SASH1: variants seen among roughly 807,000 people sequenced by gnomAD.
SASH1 encodes the protein SAM and SH3 domain containing 1.
In SASH1, 44 loss-of-function variants were observed where a neutral mutation model predicts 125.2. The observed-to-expected ratio is 0.35, with a 90% CI of 0.28 to 0.45. SASH1 has a LOEUF of 0.45. Ranked by LOEUF, SASH1 falls within the 20% of genes least tolerant of loss-of-function variation. The pLI is 1.00. For missense variants in SASH1, 1,426 were observed against 1,614.5 expected (o/e 0.88, Z 2.00); for synonymous variants, 639 against 649.1 (o/e 0.98, Z 0.24).
At chr6:148,320,898 C>A (rs542185209) in intron 1 of SASH1, among the ~76,000 whole-genome samples, 2 of 152,226 alleles carry the variant, frequency 1.3e-5, no homozygotes, top group Non-Finnish European at 2.9e-5. Context: ...GTTTAGCCAC[C>A]ACATGGCTGA....
At chr6:148,464,512 A>G (rs895638237) in intron 4 of SASH1, among the ~76,000 whole-genome samples, 22 of 152,164 alleles carry the variant, frequency 1.4e-4, no homozygotes, top group Non-Finnish European at 2.5e-4. Context: ...GGAAGGAGGT[A>G]CTACTACCAG....
chr6:148,350,727 C>T (rs1258454628), intron 1 of SASH1, among the ~76,000 whole-genome samples: 1 of 152,186 alleles, frequency 6.6e-6, no homozygotes, highest in African/African-American at 2.4e-5. Flanking sequence ...AAGAGTGAAT[C>T]TAAATGGACA....
the SASH1 span, among the ~76,000 whole-genome samples, chr6:148,246,769 A>G: frequency 6.6e-6 from 1 of 152,264 alleles, no homozygotes; most frequent in Non-Finnish European, 1.5e-5. Flanking sequence ...ATGAAAAAGT[A>G]AATGTGTTCA....
intron 12 of SASH1, among the ~76,000 whole-genome samples, chr6:148,530,573 G>A (rs779340304): frequency 1.3e-5 from 2 of 152,176 alleles, no homozygotes; most frequent in South Asian, 2.1e-4. Context: ...CAGGACCTGC[G>A]GAGCTGTGTT....
At chr6:148,431,891 T>C (rs1312878250) in intron 2 of SASH1, among the ~76,000 whole-genome samples, 1 of 152,058 alleles carries the variant, frequency 6.6e-6, no homozygotes, top group African/African-American at 2.4e-5. Context: ...AGAAATAACC[T>C]ACTTGAATCT....
chr6:148,231,025 G>A, the SASH1 span, among the ~76,000 whole-genome samples: 1 of 151,900 alleles, frequency 6.6e-6, no homozygotes, highest in South Asian at 2.1e-4. Context: ...CTTGTGTTTT[G>A]GTGCCATATC....
chr6:148,337,499 C>G (rs112446707), intron 1 of SASH1, among the ~76,000 whole-genome samples: 1 of 152,090 alleles, frequency 6.6e-6, no homozygotes, highest in African/African-American at 2.4e-5. Flanking sequence ...GGTGGGATTA[C>G]AGGCGTGAGC....
At chr6:148,273,109 A>C (rs1779103063) in intron 1 of SASH1, among the ~76,000 whole-genome samples, 2 of 151,870 alleles carry the variant, frequency 1.3e-5, no homozygotes, top group African/African-American at 4.8e-5. Context: ...AAATTACAAA[A>C]ATTAGCTGGG....
chr6:148,441,734 A>G (rs1257793538), intron 4 of SASH1, among the ~76,000 whole-genome samples: 1 of 152,148 alleles, frequency 6.6e-6, no homozygotes, highest in Non-Finnish European at 1.5e-5. Flanking sequence ...TCTTCCTCCT[A>G]AGAGGAAGTG....
At position 148,410,099 on chromosome 6, in the gene SASH1, C is replaced by CTTTTTT. The variant is rs869081496; in HGVS notation, c.285+19861_285+19866dup. On this transcript the variant is annotated intron_variant, in intron 2 of 19. Coordinates refer to ENST00000367467, the MANE Select transcript of SASH1 (RefSeq NM_015278.5). The stretch of plus-strand genomic sequence containing the variant: ...AGGTAGGGTGTTTTCCAGAGCAGTC[C>CTTTTTT]TTTTTTTTTTTTTTTTTTTTTTTTT... Among the ~76,000 whole-genome samples, 7 of 55,710 alleles carry CTTTTTT rather than the reference C, an allele frequency of 1.3e-4. 1 individual carries two copies. The highest frequency in any genetic ancestry group is 1.7e-4 in the Non-Finnish European group (5 of 29,604). The allele number at this position is 55,710 out of a possible 152,430, so 36.5% of individuals were successfully genotyped here. A position where few individuals can be genotyped will look rare whatever the true frequency, so the allele number is the denominator to read the frequency against.
intron 8 of SASH1, chr6:148,512,389 A>G: frequency 1.4e-6 from 1 of 731,604 alleles, no homozygotes; most frequent in Non-Finnish European, 1.7e-6. Flanking sequence ...TTCTTCTATT[A>G]GAATTGCTTG....
chr6:148,299,856 C>T (rs1016291966), intron 1 of SASH1, among the ~76,000 whole-genome samples: 5 of 152,042 alleles, frequency 3.3e-5, no homozygotes, highest in African/African-American at 4.8e-5. Context: ...TTACAGGGTG[C>T]CTGTGAGCAC....
At chr6:148,204,293 T>C in the SASH1 span, among the ~76,000 whole-genome samples, 1 of 152,174 alleles carries the variant, frequency 6.6e-6, no homozygotes, top group Non-Finnish European at 1.5e-5. Flanking sequence ...ACCACCACAA[T>C]CGACAGTACA....
chr6:148,349,133 G>A (rs1781616482), intron 1 of SASH1, among the ~76,000 whole-genome samples: 1 of 152,102 alleles, frequency 6.6e-6, no homozygotes, highest in Admixed American at 6.6e-5. Flanking sequence ...CCAGATCTGG[G>A]TGCTGATGTT....
At chr6:148,200,274 A>C in the SASH1 span, among the ~76,000 whole-genome samples, 1 of 152,164 alleles carries the variant, frequency 6.6e-6, no homozygotes. Flanking sequence ...TCCTAACCTC[A>C]TTTTGTGTCT....
intron 1 of SASH1, among the ~76,000 whole-genome samples, chr6:148,352,898 A>T (rs942088189): frequency 6.6e-6 from 1 of 151,964 alleles, no homozygotes; most frequent in African/African-American, 2.4e-5. Flanking sequence ...TGAACCTGGG[A>T]GGTGGAGGTT....
At chr6:148,403,499 A>G (rs919124486) in intron 2 of SASH1, among the ~76,000 whole-genome samples, 2 of 152,202 alleles carry the variant, frequency 1.3e-5, no homozygotes, top group Admixed American at 1.3e-4. Flanking sequence ...CTTAATACCC[A>G]GGTCTCAAAG....
chr6:148,208,332 T>C, the SASH1 span, among the ~76,000 whole-genome samples: 2 of 152,168 alleles, frequency 1.3e-5, no homozygotes, highest in South Asian at 2.1e-4. Context: ...AAGAGATGCA[T>C]AGGACATGAT....
intron 1 of SASH1, among the ~76,000 whole-genome samples, chr6:148,387,905 A>ATTTTTT (rs71004291): frequency 1.9e-5 from 1 of 54,020 alleles, no homozygotes; most frequent in Non-Finnish European, 3.2e-5. Context: ...CGCCCTGCTA[A>ATTTTTT]TTTTTTTTTT....
Sources: gnomAD v4.1 joint callset for allele counts (sites outside exome capture counted in the v4.1 genomes callset) on GRCh38, gnomAD v4.1.1 for gene constraint, MANE v1.5 for transcripts, NCBI Gene and HGNC (gene_info 2026-07-23, HGNC 2026-07-21) for gene names.